LONP2: variants seen among roughly 807,000 people sequenced by gnomAD.
LONP2 encodes the protein lon peptidase 2, peroxisomal.
LONP2 carries 60 observed loss-of-function variants against 85.6 expected under a neutral mutation model. That is an observed-to-expected ratio of 0.70 (90% CI 0.57 to 0.87). The LOEUF (loss-of-function observed/expected upper bound fraction) is 0.87. Among genes scored for constraint, LONP2 ranks in the 40% least tolerant of loss-of-function variants. The probability of loss-of-function intolerance (pLI) is 0.00; values close to 1 mark genes in which losing one functional copy is unlikely to be tolerated. For synonymous variants in LONP2, 395 were observed against 389.7 expected (o/e 1.01, Z -0.16); for missense variants, 860 against 1,063.5 (o/e 0.81, Z 2.66).
chr16:48,258,340 C>T (rs117450953), intron 3 of LONP2, among the ~76,000 whole-genome samples: 2,233 of 141,778 alleles, frequency 0.016, 23 homozygotes, highest in Non-Finnish European at 0.024. Flanking sequence ...AGCAAGATTC[C>T]GTCTCAAAAA....
chr16:48,328,873 T>A (rs141867169), intron 11 of LONP2, among the ~76,000 whole-genome samples: 1 of 151,788 alleles, frequency 6.6e-6, no homozygotes, highest in African/African-American at 2.4e-5. Flanking sequence ...GGAGCCAGTA[T>A]ATAATTCAGT....
rs747595818 is a variant in LONP2, at chr16:48,351,706, T to C, written c.2463T>C (p.Phe821=). The change falls in exon 15 of 15, where the codon TTT becomes TTC. Residue 821 remains phenylalanine, a synonymous_variant. Coordinates refer to ENST00000285737, the MANE Select transcript of LONP2 (RefSeq NM_031490.5). The stretch of plus-strand genomic sequence containing the variant: ...GCAACGTACGACAGGATTTAAGTTT[T>C]GTCACAGCAAGCTGCCTGGATGAGG... ...IPGNVRQDLS[F]VTASCLDEVL... 4 of 1,614,100 alleles carry C rather than the reference T, an allele frequency of 2.5e-6. No individual in the cohort carries two copies. In the African/African-American group the frequency reaches 5.3e-5, roughly 22 times the overall value.
intron 8 of LONP2, among the ~76,000 whole-genome samples, chr16:48,283,944 G>A (rs1192450347): frequency 6.6e-6 from 1 of 152,168 alleles, no homozygotes; most frequent in Non-Finnish European, 1.5e-5. Context: ...ACGGGAGGAG[G>A]TCAAAATATC....
chr16:48,348,237 C>G lies in LONP2; in HGVS notation c.2284C>G (p.Arg762Gly). The change falls in exon 14 of 15, where the codon CGT (arginine) becomes GGT (glycine). Residue 762 changes from arginine to glycine, a missense_variant. Physicochemically the swap from Arg to Gly is moderately radical, Grantham distance 125. Around this residue, in one of 3 missense-constraint regions of LONP2, gnomAD observed 115 missense variants for 129.0 expected, o/e 0.89. Coordinates refer to ENST00000285737, the MANE Select transcript of LONP2 (RefSeq NM_031490.5). The stretch of plus-strand genomic sequence containing the variant: ...CTCACTTTTTAGTGGGCGGCTGGTA[C>G]GTTCAGATGTAGCCATGACTGGAGA... ...LASLFSGRLVRSDVAMTGEIT... is the reference protein window; with the variant it reads ...LASLFSGRLVGSDVAMTGEIT... The G allele has an allele frequency of 6.2e-7, 1 of 1,606,384 alleles. No homozygotes were observed. The highest frequency in any genetic ancestry group is 8.5e-7 in the Non-Finnish European group (1 of 1,177,584).
At chr16:48,335,516 A>C (rs1327157420) in intron 12 of LONP2, among the ~76,000 whole-genome samples, 1 of 152,232 alleles carries the variant, frequency 6.6e-6, no homozygotes, top group Non-Finnish European at 1.5e-5. Flanking sequence ...ATGAGCTTTC[A>C]TAGGTTGGTT....
rs780064032 is a variant in LONP2 at position 48,244,417 on chromosome 16, C to T, written c.29C>T (p.Pro10Leu). 1.9e-6 allele frequency: 3 copies of T among 1,581,750 alleles called. No homozygotes were observed. In the East Asian group the frequency reaches 7.2e-5, roughly 38 times the overall value. The stretch of plus-strand genomic sequence containing the variant: ...TCATCAGTGAGCCCCATCCAGATCC[C>T]CAGTCGCCTCCCGCTGCTGCTCACC... MSSVSPIQI[P>L]SRLPLLLTHE... The change falls in exon 1 of 15, where the codon CCC (proline) becomes CTC (leucine). Residue 10 changes from proline (P) to leucine (L), a missense_variant. Around this residue, in one of 3 missense-constraint regions of LONP2, gnomAD observed 743 missense variants for 917.3 expected, o/e 0.81. Transcript: ENST00000285737.
intron 1 of LONP2, among the ~76,000 whole-genome samples, chr16:48,248,133 A>G (rs1265706659): frequency 6.6e-6 from 1 of 151,760 alleles, no homozygotes; most frequent in Non-Finnish European, 1.5e-5. Flanking sequence ...GTTCTACTTT[A>G]ATTTTTTTGA....
chr16:48,319,669 G>A (rs1973221028), intron 11 of LONP2, among the ~76,000 whole-genome samples: 1 of 152,082 alleles, frequency 6.6e-6, no homozygotes, highest in Non-Finnish European at 1.5e-5. Flanking sequence ...CTCCCAGAGG[G>A]AATGATGTGT....
chr16:48,313,376 T>C (rs948869312), intron 11 of LONP2, among the ~76,000 whole-genome samples: 4 of 152,168 alleles, frequency 2.6e-5, no homozygotes, highest in Admixed American at 6.6e-5. Flanking sequence ...AAGTTTATTA[T>C]GTAGGTAAAC....
At chr16:48,350,161 G>A (rs1302105448) in intron 14 of LONP2, among the ~76,000 whole-genome samples, 2 of 152,192 alleles carry the variant, frequency 1.3e-5, no homozygotes, top group African/African-American at 2.4e-5. Flanking sequence ...CAAGGTGGGC[G>A]TATCACTTGA....
rs1234430254 is a variant in LONP2, at chr16:48,362,640, C to CT, written c.*781dup. ...AGGATCTGTACACTGGATAAGCTCT[C>CT]TTTTCAAAATGTTCCGGAAAACATG... On this transcript the variant is annotated 3_prime_UTR_variant, in exon 5 of 5. Coordinates refer to the LONP2 transcript ENST00000565867. The surrounding 1 kb of genome is among the most constrained non-coding windows in gnomAD (Gnocchi z 4.2). 3 of 532,258 alleles carry CT rather than the reference C, an allele frequency of 5.6e-6. No homozygotes were observed. Among genetic ancestry groups the CT allele is most frequent in the Non-Finnish European group, 6.8e-6 (2 of 295,370 alleles). The allele number at this position is 532,258 out of a possible 1,614,324, so 33.0% of individuals were successfully genotyped here.
At chr16:48,288,981 G>A (rs1043839073) in intron 8 of LONP2, among the ~76,000 whole-genome samples, 2 of 152,120 alleles carry the variant, frequency 1.3e-5, no homozygotes, top group Non-Finnish European at 2.9e-5. Flanking sequence ...AAAGCACTGT[G>A]TTCTAATTAG....
intron 11 of LONP2, among the ~76,000 whole-genome samples, chr16:48,307,928 A>G (rs1255999314): frequency 6.6e-6 from 1 of 152,194 alleles, no homozygotes; most frequent in Non-Finnish European, 1.5e-5. Flanking sequence ...ATGGGAGAGC[A>G]GGCATGTCAC....
intron 6 of LONP2, among the ~76,000 whole-genome samples, chr16:48,266,767 A>G (rs1365788380): frequency 6.6e-6 from 1 of 152,060 alleles, no homozygotes; most frequent in Non-Finnish European, 1.5e-5. Context: ...GTTGATAGAC[A>G]TTTGGGTTGT....
At chr16:48,270,841 C>CT (rs1972088127) in intron 7 of LONP2, among the ~76,000 whole-genome samples, 2 of 152,134 alleles carry the variant, frequency 1.3e-5, no homozygotes, top group Admixed American at 6.5e-5. Context: ...AGAACTGTCC[C>CT]TCTAGGCTGG....
chr16:48,336,587 C>T (rs960255360), intron 12 of LONP2: 11 of 373,972 alleles, frequency 2.9e-5, no homozygotes, highest in Non-Finnish European at 5.4e-5. Context: ...AAATTACAGT[C>T]AAAGGGGGTT....
chr16:48,273,099 T>G (rs535114731), intron 7 of LONP2, among the ~76,000 whole-genome samples: 2 of 152,242 alleles, frequency 1.3e-5, no homozygotes, highest in East Asian at 3.9e-4. Flanking sequence ...CATGAAAAGT[T>G]TTGTTTTTCC....
chr16:48,308,743 A>T (rs1972967247), intron 11 of LONP2, among the ~76,000 whole-genome samples: 1 of 152,168 alleles, frequency 6.6e-6, no homozygotes, highest in South Asian at 2.1e-4. Context: ...GTTGCCATAA[A>T]CAAAGAGTTC....
chr16:48,319,057 A>G (rs1973207623), intron 11 of LONP2, among the ~76,000 whole-genome samples: 1 of 149,436 alleles, frequency 6.7e-6, no homozygotes, highest in Admixed American at 6.6e-5. Context: ...ATTTATGTTA[A>G]CAGAAAATGC....
Sources: gnomAD v4.1 joint callset for allele counts (sites outside exome capture counted in the v4.1 genomes callset) on GRCh38, gnomAD v4.1.1 for gene constraint, gnomAD v4.1.1 regional missense constraint, Gnocchi (gnomAD v3.1) non-coding constraint, MANE v1.5 for transcripts, NCBI Gene and HGNC (gene_info 2026-07-23, HGNC 2026-07-21) for gene names.